The following NAALADL2 variants were observed in gnomAD, a reference collection of about 807,000 sequenced individuals.
NAALADL2 encodes inactive N-acetylated-alpha-linked acidic dipeptidase-like protein 2.
Under a neutral mutation model 87.2 loss-of-function variants are expected in NAALADL2, and 76 were observed. That is an observed-to-expected ratio of 0.87 (90% CI 0.72 to 1.05). NAALADL2 has a LOEUF of 1.05. Among genes scored for constraint, NAALADL2 ranks in the 50% least tolerant of loss-of-function variants. The probability of loss-of-function intolerance (pLI) is 0.00; values close to 1 mark genes in which losing one functional copy is unlikely to be tolerated. For synonymous variants in NAALADL2, 354 were observed against 331.0 expected (o/e 1.07, Z -0.75); for missense variants, 1,089 against 945.8 (o/e 1.15, Z -1.99).
intron 3 of NAALADL2, among the ~76,000 whole-genome samples, chr3:174,755,358 AC>A (rs1473010638): frequency 6.6e-6 from 1 of 152,196 alleles, no homozygotes; most frequent in Admixed American, 6.5e-5. Context: ...ACGGGCTAGT[AC>A]AATACTCTTA....
intron 2 of NAALADL2, among the ~76,000 whole-genome samples, chr3:175,132,414 C>CA (rs1728186272): frequency 1.8e-5 from 1 of 54,128 alleles, no homozygotes; most frequent in African/African-American, 1.0e-4. Flanking sequence ...ACCTCCCCGA[C>CA]GGGTCTGTTG....
At chr3:175,337,747 A>G (rs1206381799) in intron 5 of NAALADL2, among the ~76,000 whole-genome samples, 1 of 152,214 alleles carries the variant, frequency 6.6e-6, no homozygotes, top group Non-Finnish European at 1.5e-5. Context: ...ACTTTATCAT[A>G]TAAAGTACAG....
At position 174,658,191 on chromosome 3, in the gene NAALADL2, A is replaced by G. The variant is rs34864402; in HGVS notation, c.-114-79450A>G. 7.0e-3 allele frequency among the ~76,000 whole-genome samples: 1,070 copies of G among 152,272 alleles called. 4 individuals carry two copies. Among genetic ancestry groups the G allele is most frequent in the Non-Finnish European group, 0.012 (783 of 68,020 alleles). On this transcript the variant is annotated intron_variant, in intron 2 of 3. Coordinates refer to the NAALADL2 transcript ENST00000434257. ...AGCATGTTTAATTTGGTAAGAAACC[A>G]CCAAACTGTCTTCCCAAGTGGCTGT...
chr3:174,519,136 G>C (rs1417801811), intron 1 of NAALADL2, among the ~76,000 whole-genome samples: 1 of 151,952 alleles, frequency 6.6e-6, no homozygotes, highest in East Asian at 1.9e-4. Context: ...CAATAATAAT[G>C]GTTCAAATCA....
intron 13 of NAALADL2, among the ~76,000 whole-genome samples, chr3:175,786,605 A>ATTTTTTT: frequency 6.6e-6 from 1 of 151,770 alleles, no homozygotes; most frequent in East Asian, 1.9e-4. Flanking sequence ...ATTCTTCTAA[A>ATTTTTTT]TTTTTTTCAA....
At chr3:175,014,441 C>T (rs1319548477) in intron 1 of NAALADL2, among the ~76,000 whole-genome samples, 1 of 152,140 alleles carries the variant, frequency 6.6e-6, no homozygotes, top group Non-Finnish European at 1.5e-5. Context: ...GACTGCTAGA[C>T]ATTAGCCTCT....
intron 2 of NAALADL2, among the ~76,000 whole-genome samples, chr3:174,707,249 G>T (rs1425602664): frequency 2.1e-5 from 3 of 145,940 alleles, no homozygotes; most frequent in Admixed American, 1.4e-4. Context: ...ATTCCTCGGG[G>T]ATCTAGAACT....
chr3:174,656,243 T>A (rs969587891), intron 2 of NAALADL2, among the ~76,000 whole-genome samples: 1 of 152,164 alleles, frequency 6.6e-6, no homozygotes. Context: ...TCTGTTACAT[T>A]CTGTTACTAA....
intron 1 of NAALADL2, among the ~76,000 whole-genome samples, chr3:174,989,792 A>G (rs2108703736): frequency 6.6e-6 from 1 of 152,342 alleles, no homozygotes; most frequent in South Asian, 2.1e-4. Context: ...AGATCTGGTC[A>G]TTAATTGCAT....
intron 5 of NAALADL2, among the ~76,000 whole-genome samples, chr3:175,446,244 T>C (rs1399103859): frequency 1.7e-4 from 2 of 11,648 alleles, no homozygotes; most frequent in Non-Finnish European, 3.6e-4. Flanking sequence ...ACACCTTTTT[T>C]TGGGGGGGGC....
rs950580703 is a variant in NAALADL2 at position 174,688,950 on chromosome 3, C to A, written c.-114-48691C>A. 4.0e-4 allele frequency among the ~76,000 whole-genome samples: 61 copies of A among 150,950 alleles called. 1 individual carries two copies. Among genetic ancestry groups the A allele is most frequent in the African/African-American group, 1.5e-3 (61 of 41,146 alleles). On this transcript the variant is annotated intron_variant, in intron 2 of 3. Coordinates refer to the NAALADL2 transcript ENST00000434257. Reference sequence around the variant, plus strand: ...AGTAGCTGTTCAATTTTGGTCAAGACAATTAAATGTTATCTTCAGAATCTT... The same window carrying A: ...AGTAGCTGTTCAATTTTGGTCAAGAAAATTAAATGTTATCTTCAGAATCTT...
chr3:175,543,982 T>G (rs1478745618), intron 9 of NAALADL2, among the ~76,000 whole-genome samples: 1 of 152,142 alleles, frequency 6.6e-6, no homozygotes, highest in East Asian at 1.9e-4. Flanking sequence ...AGAATAGTCC[T>G]TTGTGGTTAG....
At position 174,642,936 on chromosome 3, in the gene NAALADL2, CGACACCAA is replaced by C. The variant is rs1723401035; in HGVS notation, c.-115+92301_-115+92308del. Among the ~76,000 whole-genome samples, 3 of 152,002 alleles carry C rather than the reference CGACACCAA, an allele frequency of 2.0e-5. No individual in the cohort carries two copies. The South Asian group carries it at 6.2e-4, about 32-fold the overall frequency. On this transcript the variant is annotated intron_variant, in intron 2 of 3. Coordinates refer to the NAALADL2 transcript ENST00000434257. Reference sequence around the variant, plus strand: ...TAGCTGGGACTATAGGCACATGCTACGACACCAAGTTAATTTTTTATTTTCTGTAGAGT... The same window carrying C: ...TAGCTGGGACTATAGGCACATGCTACGTTAATTTTTTATTTTCTGTAGAGT...
At chr3:175,778,439 C>T (rs1334499719) in intron 13 of NAALADL2, among the ~76,000 whole-genome samples, 6 of 152,104 alleles carry the variant, frequency 3.9e-5, no homozygotes, top group South Asian at 2.1e-4. Flanking sequence ...TCCCTTGTTC[C>T]GGGAAAGTTC....
intron 1 of NAALADL2, among the ~76,000 whole-genome samples, chr3:174,865,078 G>A (rs554277533): frequency 3.8e-4 from 58 of 151,894 alleles, no homozygotes; most frequent in Middle Eastern, 6.8e-3. Context: ...CTGCATAGTC[G>A]AACACTTCGG....
At chr3:175,692,296 G>C (rs1443011876) in intron 11 of NAALADL2, among the ~76,000 whole-genome samples, 1 of 152,032 alleles carries the variant, frequency 6.6e-6, no homozygotes, top group Non-Finnish European at 1.5e-5. Flanking sequence ...TCTTGAGAAT[G>C]ATATAGAGCT....
intron 2 of NAALADL2, among the ~76,000 whole-genome samples, chr3:175,131,065 T>G (rs796161234): frequency 3.3e-4 from 50 of 152,314 alleles, no homozygotes; most frequent in African/African-American, 1.2e-3. Context: ...TTTATTTGTG[T>G]CTTTTAAATT....
chr3:174,552,910 A>T (rs1712317155), intron 2 of NAALADL2, among the ~76,000 whole-genome samples: 2 of 151,702 alleles, frequency 1.3e-5, no homozygotes, highest in South Asian at 4.2e-4. Context: ...AACATGCTTT[A>T]ATTAGTTGAG....
In NAALADL2 at chr3:175,064,806, G is replaced by A. The variant is rs558040675; in HGVS notation, c.44-31984G>A. ...GGAGGGGCCAGTGAAAACTCTCTGC[G>A]TAGAAATCCTTCCCGGTGGAGCTGT... On this transcript the variant is annotated intron_variant, in intron 1 of 13. Coordinates refer to ENST00000454872, the MANE Select transcript of NAALADL2 (RefSeq NM_207015.3). 3.2e-4 allele frequency among the ~76,000 whole-genome samples: 49 copies of A among 152,170 alleles called. No individual in the cohort carries two copies. The Middle Eastern group carries it at 0.01, about 32-fold the overall frequency.
Sources: gnomAD v4.1 joint callset for allele counts (sites outside exome capture counted in the v4.1 genomes callset) on GRCh38, gnomAD v4.1.1 for gene constraint, MANE v1.5 for transcripts, NCBI Gene and HGNC (gene_info 2026-07-23, HGNC 2026-07-21) for gene names.